Variants in SEC14L3 observed in about 807,000 individuals in gnomAD.
SEC14L3 encodes the protein SEC14-like protein 3.
In SEC14L3, 56 loss-of-function variants were observed where a neutral mutation model predicts 57.4. That is an observed-to-expected ratio of 0.97 (90% CI 0.79 to 1.22). The LOEUF (loss-of-function observed/expected upper bound fraction) is 1.22, where lower values mean the gene tolerates loss of function less well. SEC14L3 is among the 50% of genes most tolerant of loss of function. The pLI is 0.00. For missense variants in SEC14L3, 485 were observed against 511.7 expected (o/e 0.95, Z 0.50); for synonymous variants, 173 against 194.4 (o/e 0.89, Z 0.92).
intron 12 of SEC14L3, among the ~76,000 whole-genome samples, chr22:30,450,849 TG>T (rs1362980431): frequency 6.6e-6 from 1 of 152,154 alleles, no homozygotes; most frequent in African/African-American, 2.4e-5. Context: ...AAACTGTAGG[TG>T]GGCTCTTCCT....
chr22:30,460,336 C>T (rs1235762282), intron 11 of SEC14L3, 194 bp from the exon 12 acceptor site: 2 of 928,614 alleles, frequency 2.2e-6, no homozygotes, highest in African/African-American at 1.8e-5. Flanking sequence ...ACACCAACCT[C>T]CTCTTGGCAT....
At chr22:30,458,876 C>T (rs6518691), downstream of SEC14L3, among the ~76,000 whole-genome samples, 62,196 of 151,924 alleles carry the variant, frequency 0.41, 14,406 homozygotes, top group African/African-American at 0.62. Context: ...GTGGTGATGC[C>T]CACCTGTAGT....
In SEC14L3 at chr22:30,469,999, G is replaced by A. The variant is rs751672157; in HGVS notation, c.234+20C>T. 49 of 1,520,104 alleles carry A rather than the reference G, an allele frequency of 3.2e-5. No individual in the cohort carries two copies. The highest frequency in any genetic ancestry group is 4.2e-5 in the African/African-American group (3 of 71,970). The allele number at this position is 1,520,104 out of a possible 1,614,324, so 94.2% of individuals were successfully genotyped here. The stretch of plus-strand genomic sequence containing the variant: ...TGGTACGTCCGTGAAAGACTGAGGT[G>A]TTTGGCGGTGTTGGCTCACCTCTGG... On this transcript the variant is annotated intron_variant, in intron 4 of 11. Coordinates refer to ENST00000215812, the MANE Select transcript of SEC14L3 (RefSeq NM_174975.5).
chr22:30,460,819 A>G (rs1935230359), intron 11 of SEC14L3, among the ~76,000 whole-genome samples: 1 of 122,802 alleles, frequency 8.1e-6, no homozygotes, highest in Non-Finnish European at 1.6e-5. Context: ...CAAGAGTGAA[A>G]CTCTGTCTCA....
Position 30,461,647 on chromosome 22 carries a change from C to T in SEC14L3, c.819G>A (p.Gln273=), listed in dbSNP as rs369176855. Residue 273 remains glutamine, a synonymous_variant, in exon 10 of 12, where the codon CAG becomes CAA. Transcript: ENST00000215812. ...EIPKSMYVRD[Q]VKTQYEHSVQ... is the part of the protein sequence containing the mutation. The stretch of plus-strand genomic sequence containing the variant: ...CCGAGTGCTCGTACTGAGTCTTCAC[C>T]TGGTCCCGCACGTACATGGACTTGG... 7.4e-5 allele frequency: 119 copies of T among 1,613,794 alleles called. No individual in the cohort carries two copies. Among genetic ancestry groups the T allele is most frequent in the Non-Finnish European group, 9.3e-5 (110 of 1,179,914 alleles).
At chr22:30,452,393 G>A (rs1281662218) in intron 12 of SEC14L3, among the ~76,000 whole-genome samples, 5 of 150,396 alleles carry the variant, frequency 3.3e-5, no homozygotes, top group East Asian at 4.0e-4. Context: ...TACAGGCTCC[G>A]GCCACCACGA....
downstream of SEC14L3, among the ~76,000 whole-genome samples, chr22:30,456,892 G>A (rs1259274361): frequency 6.6e-6 from 1 of 152,228 alleles, no homozygotes; most frequent in Non-Finnish European, 1.5e-5. Flanking sequence ...TGGCTTGCCA[G>A]GGGTGGGCAT....
intron 12 of SEC14L3, among the ~76,000 whole-genome samples, chr22:30,451,700 TG>T (rs1049617695): frequency 6.6e-6 from 1 of 151,526 alleles, no homozygotes; most frequent in Non-Finnish European, 1.5e-5. Context: ...AGAAAAAAAC[TG>T]GCTGATGGCC....
chr22:30,461,188 TA>T, intron 11 of SEC14L3, 121 bp downstream of exon 11: 1 of 1,218,312 alleles, frequency 8.2e-7, no homozygotes, highest in Non-Finnish European at 1.1e-6. Flanking sequence ...TGAATGGTGC[TA>T]ACCTAGGCTG....
At position 30,466,477 on chromosome 22, in the gene SEC14L3, G is replaced by T. The variant is rs980393377; in HGVS notation, c.520-83C>A. ...CTCCTGTGCAATCTCCTGTTGGGAG[G>T]TTTCAGATGGCTCTGGAGGGTTTCC... On this transcript the variant is annotated intron_variant, in intron 6 of 11. Coordinates refer to ENST00000215812, the MANE Select transcript of SEC14L3 (RefSeq NM_174975.5). 1.4e-5 allele frequency: 23 copies of T among 1,597,778 alleles called. No individual in the cohort carries two copies. The Admixed American group carries it at 3.7e-4, about 26-fold the overall frequency.
At chr22:30,468,924 C>A in intron 4 of SEC14L3, 4 of 1,484,366 alleles carry the variant, frequency 2.7e-6, no homozygotes, top group Non-Finnish European at 3.6e-6. Context: ...CCTTGGACTT[C>A]TTAGGTCTGC....
rs551097714 is a variant in SEC14L3, at chr22:30,462,239, C to A, written c.665-47G>T. Reference sequence around the variant, plus strand: ...GGTGGTTAGCAAGCATGGGGGGCACCAATTAGCCTCCCACACCCACCAGGA... The same window carrying A: ...GGTGGTTAGCAAGCATGGGGGGCACAAATTAGCCTCCCACACCCACCAGGA... On this transcript the variant is annotated intron_variant, in intron 8 of 11. Transcript: ENST00000215812. 2.6e-4 allele frequency: 404 copies of A among 1,562,010 alleles called. 3 individuals carry two copies. The South Asian group carries it at 4.6e-3, about 18-fold the overall frequency.
intron 12 of SEC14L3, among the ~76,000 whole-genome samples, chr22:30,452,006 AAAAG>A (rs1442937890): frequency 7.7e-5 from 11 of 142,156 alleles, no homozygotes; most frequent in East Asian, 2.0e-4. Context: ...AAAAAAAAAA[AAAAG>A]AAAAAAGAAA....
At chr22:30,466,665 C>T (rs986838970) in intron 6 of SEC14L3, among the ~76,000 whole-genome samples, 1 of 151,690 alleles carries the variant, frequency 6.6e-6, no homozygotes, top group South Asian at 2.1e-4. Flanking sequence ...CACTATTTGC[C>T]AAGCAGTGTA....
At chr22:30,465,061 C>A (rs1751423347) in intron 7 of SEC14L3, 158 bp from the exon 8 acceptor site, 14 of 665,696 alleles carry the variant, frequency 2.1e-5, no homozygotes, top group Non-Finnish European at 2.4e-5. Flanking sequence ...AACCAGTCAA[C>A]CAGCCAACAA....
chr22:30,467,117 G>A, intron 5 of SEC14L3, 40 bp from the exon 6 acceptor site: 3 of 1,612,650 alleles, frequency 1.9e-6, no homozygotes, highest in Non-Finnish European at 2.5e-6. Context: ...GGAGTTCAGG[G>A]TGTAGGCTTG....
At chr22:30,470,667 T>C in intron 1 of SEC14L3, 85 bp from the exon 2 acceptor site, 2 of 1,590,342 alleles carry the variant, frequency 1.3e-6, no homozygotes, top group South Asian at 2.3e-5. Context: ...CAACCTCTCC[T>C]TTCCTCCCAC....
intron 5 of SEC14L3, 74 bp from the exon 6 acceptor site, chr22:30,467,151 AC>A: frequency 6.3e-7 from 1 of 1,596,426 alleles, no homozygotes; most frequent in South Asian, 1.1e-5. Context: ...CAAGTACATG[AC>A]CCCTTGGGGC....
chr22:30,452,013 A>AAG (rs1569224070), intron 12 of SEC14L3, among the ~76,000 whole-genome samples: 4 of 121,608 alleles, frequency 3.3e-5, no homozygotes, highest in East Asian at 2.1e-4. Context: ...AAAAAAAGAA[A>AAG]AAAGAAAAGA....
Sources: gnomAD v4.1 joint callset for allele counts (sites outside exome capture counted in the v4.1 genomes callset) on GRCh38, gnomAD v4.1.1 for gene constraint, MANE v1.5 for transcripts, NCBI Gene and HGNC (gene_info 2026-07-23, HGNC 2026-07-21) for gene names.